The following ABCA7 variants were observed in gnomAD, a reference collection of about 807,000 sequenced individuals.
ABCA7 encodes phospholipid-transporting ATPase ABCA7.
ABCA7 carries 261 observed loss-of-function variants against 227.6 expected under a neutral mutation model. That is an observed-to-expected ratio of 1.15 (90% CI 1.04 to 1.27). The LOEUF (loss-of-function observed/expected upper bound fraction) is 1.27. Among genes scored for constraint, ABCA7 ranks in the 50% most tolerant of loss-of-function variants. The probability of loss-of-function intolerance (pLI) is 0.00; values close to 1 mark genes in which losing one functional copy is unlikely to be tolerated. For synonymous variants in ABCA7, 1,488 were observed against 1,279.7 expected (o/e 1.16, Z -3.47); for missense variants, 3,331 against 2,924.5 (o/e 1.14, Z -3.21).
Position 1,065,526 on chromosome 19 carries a change from C to T in ABCA7, c.*101C>T. On this transcript the variant is annotated 3_prime_UTR_variant, in exon 47 of 47. Coordinates refer to ENST00000263094, the MANE Select transcript of ABCA7 (RefSeq NM_019112.4). ...CTCAGGCTGGCAGAGGGGCTGGTGCCCTGGAGAAAATAAAGAGAAGGCTGG... is the reference window on the plus strand; with the variant it reads ...CTCAGGCTGGCAGAGGGGCTGGTGCTCTGGAGAAAATAAAGAGAAGGCTGG... 7.2e-7 allele frequency: 1 copy of T among 1,381,394 alleles called. No homozygotes were observed. Among genetic ancestry groups the T allele is most frequent in the Non-Finnish European group, 9.9e-7 (1 of 1,014,270 alleles). 85.6% of individuals were successfully genotyped at this position (1,381,394 alleles called of 1,614,324 possible). A position where few individuals can be genotyped will look rare whatever the true frequency, so the allele number is the denominator to read the frequency against.
chr19:1,055,934 G>C lies in ABCA7; in HGVS notation c.4233G>C (p.Glu1411Asp). Residue 1411 changes from glutamate (E) to aspartate (D), a missense_variant, in exon 31 of 47, where the codon GAG becomes GAC. Physicochemically the swap from Glu to Asp is conservative, Grantham distance 45. Coordinates refer to ENST00000263094, the MANE Select transcript of ABCA7 (RefSeq NM_019112.4). The part of the protein sequence containing the change: ...QGLKTKKWVN[E>D]VRYGGFSLGG... ...TGAAGACTAAGAAGTGGGTGAATGA[G>C]GTCAGGTGAGGAGGGGTCTAGCTTG... 6.3e-7 allele frequency: 1 copy of C among 1,594,258 alleles called. No individual in the cohort carries two copies. The highest frequency in any genetic ancestry group is 8.6e-7 in the Non-Finnish European group (1 of 1,169,202).
chr19:1,044,884 C>G, intron 11 of ABCA7, 118 bp from the exon 12 acceptor site: 1 of 1,469,914 alleles, frequency 6.8e-7, no homozygotes, highest in East Asian at 2.4e-5. Context: ...CAGGAGGGAG[C>G]CGGCCGTGGG....
rs2041074482 is a variant in ABCA7, at chr19:1,048,998, C to A, written c.2373C>A (p.Asp791Glu). 2 of 1,587,202 alleles carry A rather than the reference C, an allele frequency of 1.3e-6. No individual in the cohort carries two copies. The highest frequency in any genetic ancestry group is 1.8e-5 in the Admixed American group (1 of 56,482). The change falls in exon 17 of 47, where the codon GAC becomes GAA. Residue 791 changes from aspartate (D) to glutamate (E), a missense_variant. Coordinates refer to ENST00000263094, the MANE Select transcript of ABCA7 (RefSeq NM_019112.4). ...KSPAPCPTPL[D>E]PKVLVEEAPP... Reference sequence around the variant, plus strand: ...CAGCCCCTTGCCCCACCCCGCTGGACCCAAAGGGTGAGGCACTACGAGGCT... The same window carrying A: ...CAGCCCCTTGCCCCACCCCGCTGGAACCAAAGGGTGAGGCACTACGAGGCT...
intron 13 of ABCA7, 76 bp downstream of exon 13, chr19:1,046,482 T>G: frequency 6.7e-7 from 1 of 1,498,758 alleles, no homozygotes. Context: ...CAGGCTCTGT[T>G]GGGAACCTTC....
In ABCA7 at chr19:1,058,905, C is replaced by A; in HGVS notation, c.5365C>A (p.Gln1789Lys). The A allele has an allele frequency of 6.3e-7, 1 of 1,592,502 alleles. No individual in the cohort carries two copies. Among genetic ancestry groups the A allele is most frequent in the Non-Finnish European group, 8.6e-7 (1 of 1,165,932 alleles). Residue 1789 changes from glutamine to lysine, a missense_variant, in exon 39 of 47, where the codon CAG becomes AAG. Coordinates refer to ENST00000263094, the MANE Select transcript of ABCA7 (RefSeq NM_019112.4). ...ERERVVQGAT[Q>K]GDVLVLRNLT... ...GGAGCGGGTGGTCCAAGGAGCCACC[C>A]AGGGGGATGTGTTGGTGCTGAGGAA...
At position 1,057,955 on chromosome 19, in the gene ABCA7, T is replaced by C; in HGVS notation, c.4921T>C (p.Phe1641Leu). 1 of 1,614,070 alleles carries C rather than the reference T, an allele frequency of 6.2e-7. No homozygotes were observed. The highest frequency in any genetic ancestry group is 8.5e-7 in the Non-Finnish European group (1 of 1,180,014). Residue 1641 changes from phenylalanine to leucine, a missense_variant, in exon 36 of 47, where the codon TTC (phenylalanine) becomes CTC (leucine). By Grantham distance (22) the Phe-to-Leu change is conservative. Coordinates refer to ENST00000263094, the MANE Select transcript of ABCA7 (RefSeq NM_019112.4). ...GCTCATGTACCCAGCCTCCTTCTTC[T>C]TCTCCGTGCCCAGCACAGCCTATGT... ...TPLMYPASFF[F>L]SVPSTAYVVL...
At chr19:1,047,118 TCCA>T in intron 14 of ABCA7, 36 bp from the exon 15 acceptor site, 1 of 1,572,630 alleles carries the variant, frequency 6.4e-7, no homozygotes, top group South Asian at 1.2e-5. Flanking sequence ...CCCAGGCCAA[TCCA>T]GGAGCTGCAC....
intron 40 of ABCA7, 97 bp downstream of exon 40, chr19:1,059,182 C>A: frequency 7.6e-7 from 1 of 1,321,924 alleles, no homozygotes; most frequent in Non-Finnish European, 1.0e-6. Context: ...ACTGTGTATC[C>A]ACCACCTTTT....
chr19:1,063,933 C>T (rs1233536230), intron 44 of ABCA7, 70 bp downstream of exon 44: 5 of 1,459,810 alleles, frequency 3.4e-6, no homozygotes, highest in Non-Finnish European at 4.5e-6. Context: ...CCCCAAAGCA[C>T]AAGGCCACAG....
Position 1,047,298 on chromosome 19 carries a change from G to C in ABCA7, c.1987G>C (p.Ala663Pro). 1 of 1,604,538 alleles carries C rather than the reference G, an allele frequency of 6.2e-7. No homozygotes were observed. The highest frequency in any genetic ancestry group is 8.5e-7 in the Non-Finnish European group (1 of 1,178,980). Reference protein sequence around the residue: ...ANLAAACGGLAYFSLYLPYVL... With the variant: ...ANLAAACGGLPYFSLYLPYVL... ...CCTGGCTGCGGCCTGCGGCGGCCTG[G>C]CCTACTTCTCCCTCTACCTGCCCTA... The change falls in exon 15 of 47, where the codon GCC becomes CCC. Residue 663 changes from alanine to proline, a missense_variant. Coordinates refer to ENST00000263094, the MANE Select transcript of ABCA7 (RefSeq NM_019112.4).
rs371632814 is a variant in ABCA7, at chr19:1,047,610, C to T, written c.2225C>T (p.Ala742Val). ...QVSGLLLLDA[A>V]LYGLATWYLE... ...TCTGGCCTTCTGCTGCTGGACGCGG[C>T]GCTCTACGGCCTCGCCACCTGGTAC... is the stretch of plus-strand genomic sequence containing the variant. Residue 742 changes from alanine (A) to valine (V), a missense_variant, in exon 16 of 47, where the codon GCG (alanine) becomes GTG (valine). Physicochemically the swap from Ala to Val is moderately conservative, Grantham distance 64 (BLOSUM62 0). Coordinates refer to ENST00000263094, the MANE Select transcript of ABCA7 (RefSeq NM_019112.4). 16 of 1,601,774 alleles carry T rather than the reference C, an allele frequency of 1.0e-5. No individual in the cohort carries two copies. Among genetic ancestry groups the T allele is most frequent in the Middle Eastern group, 1.7e-4 (1 of 6,050 alleles).
At position 1,042,224 on chromosome 19, in the gene ABCA7, C is replaced by G. The variant is rs746548835; in HGVS notation, c.415+48C>G. On this transcript the variant is annotated intron_variant, in intron 5 of 46. Transcript: ENST00000263094. The stretch of plus-strand genomic sequence containing the variant: ...GGCAGGGCTGAGCTCTGAGCCTCAA[C>G]TTGCCGGGCCGTGAAATGGGCACAG... 2.5e-6 allele frequency: 4 copies of G among 1,591,218 alleles called. No individual in the cohort carries two copies. In the Admixed American group the frequency reaches 6.7e-5, roughly 27 times the overall value.
chr19:1,060,205 A>ATT (rs1223098062), intron 40 of ABCA7, among the ~76,000 whole-genome samples: 27 of 49,230 alleles, frequency 5.5e-4, no homozygotes, highest in South Asian at 1.8e-3. Context: ...GTATATATAT[A>ATT]TATTTTTTTT....
At chr19:1,050,620 A>C (rs1041952022) in intron 18 of ABCA7, among the ~76,000 whole-genome samples, 1 of 149,830 alleles carries the variant, frequency 6.7e-6, no homozygotes, top group East Asian at 2.0e-4. Flanking sequence ...TCTACTAAAA[A>C]TGCAAAAAAA....
At position 1,059,090 on chromosome 19, in the gene ABCA7, G is replaced by A; in HGVS notation, c.5463+5G>A. On this transcript the variant is annotated splice_donor_5th_base_variant and intron_variant, in intron 40 of 46. Transcript: ENST00000263094. ...CTGGGGATTCCCCCTGGTGAGGTGA[G>A]TCCAGGGGTGGAGGCCAGGTGCAGG... is the stretch of plus-strand genomic sequence containing the variant. The A allele has an allele frequency of 6.2e-7, 1 of 1,612,298 alleles. No individual in the cohort carries two copies. Among genetic ancestry groups the A allele is most frequent in the East Asian group, 2.2e-5 (1 of 44,866 alleles).
At position 1,041,332 on chromosome 19, in the gene ABCA7, T is replaced by G. The variant is rs1468791910; in HGVS notation, c.-30T>G. On this transcript the variant is annotated 5_prime_UTR_variant, in exon 2 of 47. Transcript: ENST00000263094. ...CTTCAGCCCGACCGTTGTCCTGACC[T>G]CTCTGTCCCGTCCCCTGCCCAGTCT... 1.9e-6 allele frequency: 3 copies of G among 1,613,070 alleles called. No individual in the cohort carries two copies. In the Admixed American group the frequency reaches 5.0e-5, roughly 27 times the overall value.
At chr19:1,042,956 G>C in intron 7 of ABCA7, 85 bp from the exon 8 acceptor site, 1 of 1,517,782 alleles carries the variant, frequency 6.6e-7, no homozygotes, top group Non-Finnish European at 8.9e-7. Context: ...GCGAGAGGGA[G>C]AGGCTGCCCC....
Position 1,057,436 on chromosome 19 carries a change from C to A in ABCA7, c.4880+7C>A, listed in dbSNP as rs1469379986. The A allele has an allele frequency of 3.1e-6, 5 of 1,608,764 alleles. No individual in the cohort carries two copies. The highest frequency in any genetic ancestry group is 4.3e-6 in the Non-Finnish European group (5 of 1,175,842). ...TGTTGCTACTACTGTATGGGTGAGG[C>A]CCCCAGTCCCTCAGGGCCTATTCTT... is the stretch of plus-strand genomic sequence containing the variant. On this transcript the variant is annotated splice_region_variant and intron_variant, in intron 35 of 46. Transcript: ENST00000263094.
intron 7 of ABCA7, 93 bp from the exon 8 acceptor site, chr19:1,042,948 G>C: frequency 6.6e-7 from 1 of 1,512,770 alleles, no homozygotes; most frequent in Non-Finnish European, 8.9e-7. Context: ...ATTAGACAGC[G>C]AGAGGGAGAG....
Sources: gnomAD v4.1 joint callset for allele counts (sites outside exome capture counted in the v4.1 genomes callset) on GRCh38, gnomAD v4.1.1 for gene constraint, MANE v1.5 for transcripts, NCBI Gene and HGNC (gene_info 2026-07-23, HGNC 2026-07-21) for gene names.